The following DCBLD2 variants were observed in gnomAD, a reference collection of about 807,000 sequenced individuals.
The protein encoded by DCBLD2 is discoidin, CUB and LCCL domain containing 2, also known as discoidin, CUB and LCCL domain-containing protein 2.
Under a neutral mutation model 86.8 loss-of-function variants are expected in DCBLD2, and 54 were observed. The observed-to-expected ratio is 0.62, with a 90% confidence interval of 0.50 to 0.78. The LOEUF (loss-of-function observed/expected upper bound fraction) is 0.78, where lower values mean the gene tolerates loss of function less well. Ranked by LOEUF, DCBLD2 falls within the 30% of genes least tolerant of loss-of-function variation. The pLI is 0.00. For synonymous variants in DCBLD2, 354 were observed against 341.3 expected, an observed-to-expected ratio of 1.04 and a Z score of -0.41; for missense variants, 908 against 954.2, an observed-to-expected ratio of 0.95 and a Z score of 0.64.
intron 3 of DCBLD2, among the ~76,000 whole-genome samples, chr3:98,845,262 G>A (rs942826013): frequency 6.6e-6 from 1 of 152,076 alleles, no homozygotes; most frequent in Non-Finnish European, 1.5e-5. Flanking sequence ...ATGAAAACTA[G>A]AAATGAAAGT....
In DCBLD2 at chr3:98,822,323, T is replaced by C; in HGVS notation, c.735A>G (p.Val245=). The part of the protein sequence containing the change: ...PLCMAGVHAG[V]VSNTLGGQIS... ...TTTGGCCGCCCAACGTGTTTGACAC[T>C]ACTCCTGCATGCACACCAGCCATGC... is the stretch of plus-strand genomic sequence containing the variant. Residue 245 remains valine (V), a synonymous_variant, in exon 6 of 16, where the codon GTA becomes GTG. Transcript: ENST00000326840. 1 of 1,613,996 alleles carries C rather than the reference T, an allele frequency of 6.2e-7. No homozygotes were observed. The highest frequency in any genetic ancestry group is 1.1e-5 in the South Asian group (1 of 91,086).
chr3:98,868,327 C>G (rs1411756352), intron 2 of DCBLD2, among the ~76,000 whole-genome samples: 1 of 151,962 alleles, frequency 6.6e-6, no homozygotes, highest in Non-Finnish European at 1.5e-5. Context: ...AATTATAGAT[C>G]TAGAAAAGTT....
Position 98,817,817 on chromosome 3 carries a change from A to G in DCBLD2, c.1164T>C (p.Asp388=). 2 of 1,613,746 alleles carry G rather than the reference A, an allele frequency of 1.2e-6. No individual in the cohort carries two copies. Among genetic ancestry groups the G allele is most frequent in the South Asian group, 1.1e-5 (1 of 91,076 alleles). ...VSAYRILYSD[D]GQKWTVYREP... is the part of the protein sequence containing the mutation. ...CTCTGTACACAGTCCATTTCTGCCC[A>G]TCATCACTGTACAGGATTCTGTAGG... is the stretch of plus-strand genomic sequence containing the variant. Residue 388 remains aspartate (D), a synonymous_variant, in exon 9 of 16, where the codon GAT becomes GAC. Coordinates refer to ENST00000326840, the MANE Select transcript of DCBLD2 (RefSeq NM_080927.4).
chr3:98,854,951 T>C (rs1299261652), intron 2 of DCBLD2, among the ~76,000 whole-genome samples: 1 of 152,152 alleles, frequency 6.6e-6, no homozygotes, highest in Admixed American at 6.5e-5. Context: ...GGGCAAAAAT[T>C]TCTTAAACAG....
chr3:98,815,661 C>T (rs1295963187), intron 9 of DCBLD2: 1 of 151,930 alleles, frequency 6.6e-6, no homozygotes, highest in Non-Finnish European at 1.5e-5. Context: ...GCTCCATGTT[C>T]CAGAGATAGA....
At chr3:98,900,191 A>G (rs55730510) in intron 1 of DCBLD2, among the ~76,000 whole-genome samples, 25,133 of 152,222 alleles carry the variant, frequency 0.17, 2,159 homozygotes, top group African/African-American at 0.22. Flanking sequence ...AGAGCAACAT[A>G]AAGCTGGGCT....
At position 98,819,352 on chromosome 3, in the gene DCBLD2, C is replaced by A; in HGVS notation, c.937G>T (p.Val313Leu). The change falls in exon 8 of 16, where the codon GTG becomes TTG. Residue 313 changes from valine (V) to leucine (L), a missense_variant. Val to Leu is a conservative substitution (Grantham distance 32). Coordinates refer to ENST00000326840, the MANE Select transcript of DCBLD2 (RefSeq NM_080927.4). ...IADPQITASS[V>L]LEWTDHTGQE... is the part of the protein sequence containing the mutation. ...CCTGTGTGGTCAGTCCACTCCAGCACAGATGATGCTGTTATTTGAGGATCC... is the reference window on the plus strand; with the variant it reads ...CCTGTGTGGTCAGTCCACTCCAGCAAAGATGATGCTGTTATTTGAGGATCC... 6.2e-7 allele frequency: 1 copy of A among 1,613,802 alleles called. No homozygotes were observed.
intron 1 of DCBLD2, among the ~76,000 whole-genome samples, chr3:98,888,916 C>CT (rs1943608373): frequency 6.6e-6 from 1 of 151,948 alleles, no homozygotes; most frequent in South Asian, 2.1e-4. Context: ...ATCTTAAAAA[C>CT]TTTAACATCT....
At chr3:98,825,096 C>G (rs1301023715) in intron 4 of DCBLD2, among the ~76,000 whole-genome samples, 1 of 152,132 alleles carries the variant, frequency 6.6e-6, no homozygotes, top group Non-Finnish European at 1.5e-5. Context: ...ATGATACTTT[C>G]ATTTTGCAGA....
intron 2 of DCBLD2, among the ~76,000 whole-genome samples, chr3:98,879,088 A>G (rs13074614): frequency 0.058 from 8,768 of 152,228 alleles, 311 homozygotes; most frequent in Non-Finnish European, 0.071. Flanking sequence ...CTAAATATAT[A>G]ATTCTCTTGT....
intron 10 of DCBLD2, among the ~76,000 whole-genome samples, chr3:98,812,058 T>C (rs748800605): frequency 6.6e-6 from 1 of 152,208 alleles, no homozygotes; most frequent in Non-Finnish European, 1.5e-5. Flanking sequence ...TGATTTAAAA[T>C]TATTAGGATT....
rs374319147 is a variant in DCBLD2 at position 98,820,235 on chromosome 3, A to G, written c.871+13T>C. ...ATATAAATAAAAAATTATAAAGTCC[A>G]TAAAAGGCTTACCACTTGTCTTAAA... On this transcript the variant is annotated intron_variant, in intron 7 of 15. Coordinates refer to ENST00000326840, the MANE Select transcript of DCBLD2 (RefSeq NM_080927.4). 1.4e-6 allele frequency: 2 copies of G among 1,441,696 alleles called. No individual in the cohort carries two copies. Among genetic ancestry groups the G allele is most frequent in the East Asian group, 2.5e-5 (1 of 39,638 alleles). 89.3% of individuals were successfully genotyped at this position (1,441,696 alleles called of 1,614,324 possible).
At chr3:98,850,961 T>G (rs1942825177) in intron 2 of DCBLD2, among the ~76,000 whole-genome samples, 1 of 152,172 alleles carries the variant, frequency 6.6e-6, no homozygotes, top group Non-Finnish European at 1.5e-5. Flanking sequence ...TAATAAGAAC[T>G]ATTTATGACA....
rs537568297 is a variant in DCBLD2 at position 98,866,152 on chromosome 3, T to C, written c.433+15388A>G. Among the ~76,000 whole-genome samples the C allele has an allele frequency of 1.9e-3, 292 of 152,260 alleles. 4 individuals are homozygous for C. The highest frequency in any genetic ancestry group is 6.7e-3 in the African/African-American group (279 of 41,540). ...GGTTCCAAGTCTTTGCTATTGTGAA[T>C]AGTGCCGCAATAAACAGACGTGTGC... is the stretch of plus-strand genomic sequence containing the variant. On this transcript the variant is annotated intron_variant, in intron 2 of 15. Coordinates refer to ENST00000326840, the MANE Select transcript of DCBLD2 (RefSeq NM_080927.4).
intron 3 of DCBLD2, among the ~76,000 whole-genome samples, chr3:98,844,444 G>A (rs988627496): frequency 9.9e-5 from 15 of 151,324 alleles, no homozygotes; most frequent in African/African-American, 1.9e-4. Context: ...TGCAACCTTC[G>A]CCTCCCGGGT....
chr3:98,866,158 C>T lies in DCBLD2; in HGVS notation c.433+15382G>A, dbSNP rs1256525719. On this transcript the variant is annotated intron_variant, in intron 2 of 15. Transcript: ENST00000326840. ...AAGTCTTTGCTATTGTGAATAGTGC[C>T]GCAATAAACAGACGTGTGCATGTGT... Among the ~76,000 whole-genome samples the T allele has an allele frequency of 1.4e-4, 21 of 152,034 alleles. No individual in the cohort carries two copies. In the East Asian group the frequency reaches 3.9e-3, roughly 28 times the overall value.
At chr3:98,886,888 G>C (rs1035309358) in intron 1 of DCBLD2, among the ~76,000 whole-genome samples, 1 of 139,562 alleles carries the variant, frequency 7.2e-6, no homozygotes, top group African/African-American at 2.7e-5. Context: ...ATGAATTATT[G>C]CAACAAAGAA....
chr3:98,870,677 A>C (rs1420291141), intron 2 of DCBLD2, among the ~76,000 whole-genome samples: 1 of 150,412 alleles, frequency 6.6e-6, no homozygotes, highest in Non-Finnish European at 1.5e-5. Flanking sequence ...AGAGAGAGAG[A>C]GAAATAGAGA....
At chr3:98,863,391 A>G (rs1201701702) in intron 2 of DCBLD2, among the ~76,000 whole-genome samples, 1 of 152,208 alleles carries the variant, frequency 6.6e-6, no homozygotes, top group East Asian at 1.9e-4. Flanking sequence ...ACCAAAAAAA[A>G]GCTGCATTGC....
Sources: gnomAD v4.1 joint callset for allele counts (sites outside exome capture counted in the v4.1 genomes callset) on GRCh38, gnomAD v4.1.1 for gene constraint, MANE v1.5 for transcripts, NCBI Gene and HGNC (gene_info 2026-07-23, HGNC 2026-07-21) for gene names.